Variants in ADARB2 observed in about 807,000 individuals in gnomAD.
ADARB2 encodes inactive double-stranded RNA-specific editase B2.
In ADARB2, 25 loss-of-function variants were observed where a neutral mutation model predicts 62.2. The observed-to-expected ratio is 0.40, with a 90% CI of 0.29 to 0.56. ADARB2 has a LOEUF of 0.56. Among genes scored for constraint, ADARB2 ranks in the 20% least tolerant of loss-of-function variants. ADARB2 has a pLI of 0.43. For missense variants in ADARB2, 1,071 were observed against 1,077.4 expected, an observed-to-expected ratio of 0.99 and a Z score of 0.08; for synonymous variants, 572 against 500.8, an observed-to-expected ratio of 1.14 and a Z score of -1.90.
rs533723014 is a variant in ADARB2, at chr10:1,519,847, G to T, written c.101-140687C>A. On this transcript the variant is annotated intron_variant, in intron 1 of 9. Coordinates refer to ENST00000381312, the MANE Select transcript of ADARB2 (RefSeq NM_018702.4). Reference sequence around the variant, plus strand: ...CCTCCCTTTGCCCTGCATGGATCTTGTAACTCTTACCTCCCTCTGATTCCT... The same window carrying T: ...CCTCCCTTTGCCCTGCATGGATCTTTTAACTCTTACCTCCCTCTGATTCCT... Among the ~76,000 whole-genome samples the T allele has an allele frequency of 6.6e-5, 10 of 152,220 alleles. No homozygotes were observed. In the South Asian group the frequency reaches 1.2e-3, roughly 19 times the overall value.
At chr10:1,451,298 C>G (rs140677708) in intron 1 of ADARB2, among the ~76,000 whole-genome samples, 33 of 152,366 alleles carry the variant, frequency 2.2e-4, no homozygotes, top group African/African-American at 7.9e-4. Flanking sequence ...AACAGGGACA[C>G]AGGAGCGGTG....
chr10:1,203,122 C>G (rs1255791648), intron 7 of ADARB2, among the ~76,000 whole-genome samples: 2 of 152,162 alleles, frequency 1.3e-5, no homozygotes, highest in Non-Finnish European at 2.9e-5. Context: ...GTTCAAACAG[C>G]TGATATTACT....
At chr10:1,653,274 A>G (rs942226595) in intron 1 of ADARB2, among the ~76,000 whole-genome samples, 1 of 152,144 alleles carries the variant, frequency 6.6e-6, no homozygotes, top group Non-Finnish European at 1.5e-5. Flanking sequence ...GTCATGGCAG[A>G]AGGACTTGGG....
At chr10:1,242,323 G>A in intron 4 of ADARB2, 24 bp from the exon 5 acceptor site, 1 of 1,525,174 alleles carries the variant, frequency 6.6e-7, no homozygotes, top group Non-Finnish European at 8.8e-7. Flanking sequence ...TAGCATCAGA[G>A]CAGCGTGGCC....
chr10:1,559,066 TC>T, intron 1 of ADARB2, among the ~76,000 whole-genome samples: 1 of 152,328 alleles, frequency 6.6e-6, no homozygotes, highest in African/African-American at 2.4e-5. Context: ...GCTGAGACAG[TC>T]CACGTACACA....
At chr10:1,657,711 G>T (rs940599503) in intron 1 of ADARB2, among the ~76,000 whole-genome samples, 3 of 152,198 alleles carry the variant, frequency 2.0e-5, no homozygotes, top group Non-Finnish European at 4.4e-5. Flanking sequence ...GCAGGGTGCT[G>T]GAATCCGAGA....
intron 1 of ADARB2, among the ~76,000 whole-genome samples, chr10:1,720,839 A>C (rs1031753747): frequency 2.0e-5 from 3 of 152,174 alleles, no homozygotes; most frequent in African/African-American, 7.2e-5. Flanking sequence ...AGCTGGTATA[A>C]AAGACGTTTA....
At position 1,718,772 on chromosome 10, in the gene ADARB2, TC is replaced by T. The variant is rs75630085; in HGVS notation, c.100+18278del. Among the ~76,000 whole-genome samples, 2,501 of 152,212 alleles carry T rather than the reference TC, an allele frequency of 0.016. 143 individuals carry two copies. The East Asian group carries it at 0.18, about 11-fold the overall frequency. Reference sequence around the variant, plus strand: ...TGACTCTGCCCTCCCAGGAGGGGGCTCCAGGCTCTGGCTTCCAGCTCCCAGG... The same window carrying T: ...TGACTCTGCCCTCCCAGGAGGGGGCTCAGGCTCTGGCTTCCAGCTCCCAGG... On this transcript the variant is annotated intron_variant, in intron 1 of 9. Transcript: ENST00000381312.
intron 3 of ADARB2, among the ~76,000 whole-genome samples, chr10:1,334,428 A>G (rs1387013215): frequency 1.3e-5 from 2 of 152,182 alleles, no homozygotes; most frequent in Non-Finnish European, 1.5e-5. Context: ...GCTTCCAGAG[A>G]GTAGGAATAT....
chr10:1,676,753 T>A (rs187709644), intron 1 of ADARB2, among the ~76,000 whole-genome samples: 2 of 150,974 alleles, frequency 1.3e-5, no homozygotes, highest in African/African-American at 4.9e-5. Context: ...CCAAAGACCC[T>A]ACTTCCACGG....
chr10:1,615,667 A>C (rs545448142), intron 1 of ADARB2, among the ~76,000 whole-genome samples: 44 of 152,300 alleles, frequency 2.9e-4, no homozygotes, highest in Non-Finnish European at 5.4e-4. Flanking sequence ...CTGGATTTGG[A>C]GATGTAGTGA....
chr10:1,230,052 GC>G, intron 6 of ADARB2, among the ~76,000 whole-genome samples: 1 of 152,208 alleles, frequency 6.6e-6, no homozygotes, highest in African/African-American at 2.4e-5. Flanking sequence ...TCCAGAAGGG[GC>G]CAGAGGCAGA....
chr10:1,681,070 C>T (rs1834529321), intron 1 of ADARB2, among the ~76,000 whole-genome samples: 1 of 152,164 alleles, frequency 6.6e-6, no homozygotes, highest in Admixed American at 6.5e-5. Flanking sequence ...TGGGAAGCGT[C>T]AGGTTTGAAG....
chr10:1,658,428 TTCTC>T (rs372717995), intron 1 of ADARB2, among the ~76,000 whole-genome samples: 2 of 152,098 alleles, frequency 1.3e-5, no homozygotes, highest in African/African-American at 2.4e-5. Flanking sequence ...CTCTGTCTGA[TTCTC>T]TCTGTTTTTC....
At chr10:1,733,627 G>A (rs1164183991) in intron 1 of ADARB2, among the ~76,000 whole-genome samples, 1 of 151,880 alleles carries the variant, frequency 6.6e-6, no homozygotes, top group Non-Finnish European at 1.5e-5. Flanking sequence ...CTGGTTGAAC[G>A]GATATTAACA....
chr10:1,680,491 G>C (rs572079726), intron 1 of ADARB2, among the ~76,000 whole-genome samples: 1 of 152,228 alleles, frequency 6.6e-6, no homozygotes, highest in East Asian at 1.9e-4. Flanking sequence ...AGGACTCCCG[G>C]GCCATGCACT....
intron 1 of ADARB2, among the ~76,000 whole-genome samples, chr10:1,459,006 A>G (rs558178304): frequency 2.6e-5 from 4 of 152,350 alleles, no homozygotes; most frequent in African/African-American, 9.6e-5. Context: ...ATCTCACACA[A>G]GTCAGAATGG....
chr10:1,484,743 C>T (rs139507944), intron 1 of ADARB2, among the ~76,000 whole-genome samples: 15 of 152,132 alleles, frequency 9.9e-5, no homozygotes, highest in South Asian at 8.3e-4. Flanking sequence ...TGTATGTAGG[C>T]GTGCATATAG....
chr10:1,614,521 T>A (rs1311837656), intron 1 of ADARB2, among the ~76,000 whole-genome samples: 1 of 152,240 alleles, frequency 6.6e-6, no homozygotes, highest in Admixed American at 6.5e-5. Context: ...ATTTTGTTGA[T>A]GAGTTCCCAT....
Sources: allele counts gnomAD v4.1 joint callset (sites outside exome capture counted in the v4.1 genomes callset), GRCh38; gene constraint gnomAD v4.1.1; transcripts MANE v1.5; gene names NCBI Gene and HGNC (gene_info 2026-07-23, HGNC 2026-07-21).